The following KCNN2 variants were observed in gnomAD, a reference collection of about 807,000 sequenced individuals.
KCNN2 encodes the protein small conductance calcium-activated potassium channel protein 2.
Under a neutral mutation model 55.5 loss-of-function variants are expected in KCNN2, and 24 were observed. The observed-to-expected ratio is 0.43, with a 90% CI of 0.31 to 0.61. The LOEUF (loss-of-function observed/expected upper bound fraction) is 0.61, where lower values mean the gene tolerates loss of function less well. Ranked by LOEUF, KCNN2 falls within the 20% of genes least tolerant of loss-of-function variation. The pLI is 0.08. For synonymous variants in KCNN2, 431 were observed against 336.1 expected (o/e 1.28, Z -3.09); for missense variants, 754 against 853.6 (o/e 0.88, Z 1.45).
At position 114,319,025 on chromosome 5, in the gene KCNN2, C is replaced by G. The variant is rs535340813; in HGVS notation, c.-184-41920C>G. ...ATTTTATCATTCATTCTTCTTTCTTCTGTGCCCCCAACGTACACAGACCTC... is the reference window on the plus strand; with the variant it reads ...ATTTTATCATTCATTCTTCTTTCTTGTGTGCCCCCAACGTACACAGACCTC... On this transcript the variant is annotated intron_variant, in intron 2 of 10. Transcript: ENST00000512097. Among the ~76,000 whole-genome samples, 5 of 152,220 alleles carry G rather than the reference C, an allele frequency of 3.3e-5. No homozygotes were observed. The East Asian group carries it at 9.7e-4, about 29-fold the overall frequency.
chr5:114,198,155 G>A (rs544603315), intron 1 of KCNN2, among the ~76,000 whole-genome samples: 6 of 151,542 alleles, frequency 4.0e-5, no homozygotes, highest in Non-Finnish European at 8.8e-5. Context: ...TTGTTAGTCC[G>A]TTAACACAGA....
At chr5:114,258,645 T>C (rs1755034321) in intron 2 of KCNN2, among the ~76,000 whole-genome samples, 1 of 152,194 alleles carries the variant, frequency 6.6e-6, no homozygotes, top group African/African-American at 2.4e-5. Flanking sequence ...GCGCATACTA[T>C]TGAACTCCAT....
At chr5:114,196,006 A>G (rs915410317) in intron 1 of KCNN2, among the ~76,000 whole-genome samples, 13 of 152,030 alleles carry the variant, frequency 8.6e-5, no homozygotes, top group African/African-American at 3.1e-4. Context: ...ATTTTTCTGC[A>G]TGTGGGTATG....
At chr5:114,233,162 C>T (rs1031001181) in intron 2 of KCNN2, among the ~76,000 whole-genome samples, 6 of 150,750 alleles carry the variant, frequency 4.0e-5, no homozygotes, top group Admixed American at 2.0e-4. Context: ...CCTCGTGATC[C>T]GCCCGCCTCG....
chr5:114,468,658 G>GT (rs1390240232), intron 4 of KCNN2, among the ~76,000 whole-genome samples: 2 of 152,064 alleles, frequency 1.3e-5, no homozygotes, highest in Non-Finnish European at 2.9e-5. Flanking sequence ...GAACATTAGT[G>GT]TTTTTTATCA....
chr5:114,382,632 C>T (rs185639568), intron 2 of KCNN2, among the ~76,000 whole-genome samples: 14 of 152,308 alleles, frequency 9.2e-5, no homozygotes, highest in Admixed American at 2.6e-4. Flanking sequence ...GGAGAAAAGC[C>T]ACCCAAGACA....
At chr5:114,088,085 T>G (rs1751054035) in intron 1 of KCNN2, among the ~76,000 whole-genome samples, 1 of 152,092 alleles carries the variant, frequency 6.6e-6, no homozygotes, top group South Asian at 2.1e-4. Context: ...TCAGCTTTTA[T>G]TTTTTTCAGG....
At position 114,458,940 on chromosome 5, in the gene KCNN2, C is replaced by T. The variant is rs1388152518; in HGVS notation, c.1638-4109C>T. The stretch of plus-strand genomic sequence containing the variant: ...AGCATACCTCCCAGCCATTAGTGTG[C>T]GGGTGCTGAGGGAGGCAGGAGCGCA... On this transcript the variant is annotated intron_variant, in intron 3 of 7. Coordinates refer to ENST00000673685, the MANE Select transcript of KCNN2 (RefSeq NM_021614.4). Among the ~76,000 whole-genome samples, 5 of 152,174 alleles carry T rather than the reference C, an allele frequency of 3.3e-5. No homozygotes were observed. The East Asian group carries it at 5.8e-4, about 18-fold the overall frequency.
chr5:114,168,349 CA>C (rs1752962532), intron 1 of KCNN2, among the ~76,000 whole-genome samples: 1 of 151,974 alleles, frequency 6.6e-6, no homozygotes, highest in South Asian at 2.1e-4. Flanking sequence ...TTAAATACTT[CA>C]AAATAGAGCT....
chr5:114,111,838 G>A (rs1751604052), intron 1 of KCNN2, among the ~76,000 whole-genome samples: 1 of 152,154 alleles, frequency 6.6e-6, no homozygotes, highest in Non-Finnish European at 1.5e-5. Context: ...ACAGGTGCTG[G>A]AGAGGATGTG....
rs371013977 is a variant in KCNN2 at position 114,134,746 on chromosome 5, A to G, written c.-271+78246A>G. 3.9e-5 allele frequency among the ~76,000 whole-genome samples: 6 copies of G among 152,240 alleles called. No individual in the cohort carries two copies. In the East Asian group the frequency reaches 1.2e-3, roughly 29 times the overall value. On this transcript the variant is annotated intron_variant, in intron 1 of 10. Coordinates refer to the KCNN2 transcript ENST00000512097. ...CGTCTTGGTCTCCCAAAGTGCTGGA[A>G]TTACAGGCGTGAGCCACCGCACCCA... is the stretch of plus-strand genomic sequence containing the variant.
At chr5:114,110,128 C>A (rs954993134) in intron 1 of KCNN2, among the ~76,000 whole-genome samples, 2 of 152,202 alleles carry the variant, frequency 1.3e-5, no homozygotes, top group African/African-American at 4.8e-5. Flanking sequence ...GCCTTGATCT[C>A]AGACTTTCCA....
At chr5:114,351,740 T>G (rs1757206520) in intron 2 of KCNN2, among the ~76,000 whole-genome samples, 1 of 151,808 alleles carries the variant, frequency 6.6e-6, no homozygotes, top group Non-Finnish European at 1.5e-5. Context: ...TGCTTTATTG[T>G]ATTGATAGTT....
At chr5:114,373,433 C>G (rs1757825120) in intron 2 of KCNN2, among the ~76,000 whole-genome samples, 1 of 151,244 alleles carries the variant, frequency 6.6e-6, no homozygotes, top group Admixed American at 6.6e-5. Context: ...TTTCTCTAAA[C>G]TTTCCTGCTG....
At chr5:114,109,521 T>C (rs1751552447) in intron 1 of KCNN2, among the ~76,000 whole-genome samples, 1 of 152,054 alleles carries the variant, frequency 6.6e-6, no homozygotes, top group South Asian at 2.1e-4. Flanking sequence ...TCAGGGATGA[T>C]TAAAACCCTT....
intron 3 of KCNN2, among the ~76,000 whole-genome samples, chr5:114,413,346 A>G (rs163211): frequency 0.52 from 78,468 of 151,994 alleles, 22,411 homozygotes; most frequent in African/African-American, 0.77. Context: ...GTGCAGTGGC[A>G]CAATCTTGGC....
At chr5:114,260,758 A>C (rs1755090971) in intron 2 of KCNN2, among the ~76,000 whole-genome samples, 1 of 152,150 alleles carries the variant, frequency 6.6e-6, no homozygotes, top group African/African-American at 2.4e-5. Flanking sequence ...CCTTTGTCTT[A>C]ATAGTCTAAA....
At chr5:114,218,525 A>G (rs1018109204) in intron 1 of KCNN2, among the ~76,000 whole-genome samples, 9 of 152,222 alleles carry the variant, frequency 5.9e-5, no homozygotes, top group Admixed American at 5.9e-4. Flanking sequence ...GCTATGTGAC[A>G]TTATGGAAAA....
At chr5:114,368,690 T>C (rs1757675543) in intron 2 of KCNN2, among the ~76,000 whole-genome samples, 2 of 152,228 alleles carry the variant, frequency 1.3e-5, no homozygotes, top group African/African-American at 4.8e-5. Flanking sequence ...CAGCAGACTT[T>C]AGAATAAAAA....
Sources: allele counts gnomAD v4.1 joint callset (sites outside exome capture counted in the v4.1 genomes callset), GRCh38; gene constraint gnomAD v4.1.1; transcripts MANE v1.5; gene names NCBI Gene and HGNC (gene_info 2026-07-23, HGNC 2026-07-21).